Variants in TRABD2B observed in about 807,000 individuals in gnomAD.
TRABD2B encodes the protein metalloprotease TIKI2.
Under a neutral mutation model 40.1 loss-of-function variants are expected in TRABD2B, and 14 were observed. The observed-to-expected ratio is 0.35, with a 90% confidence interval of 0.23 to 0.55. The LOEUF is 0.55. TRABD2B is among the 20% of genes least tolerant of loss of function. TRABD2B has a pLI of 0.90. For synonymous variants in TRABD2B, 263 were observed against 277.0 expected, an observed-to-expected ratio of 0.95 and a Z score of 0.50; for missense variants, 541 against 648.6, an observed-to-expected ratio of 0.83 and a Z score of 1.80.
chr1:47,879,245 G>A (rs1375452110), intron 2 of TRABD2B, among the ~76,000 whole-genome samples: 1 of 152,068 alleles, frequency 6.6e-6, no homozygotes, highest in Non-Finnish European at 1.5e-5. Flanking sequence ...TATATAATCA[G>A]GTGCCACATA....
intron 2 of TRABD2B, among the ~76,000 whole-genome samples, chr1:47,964,654 C>G (rs1265729871): frequency 6.6e-6 from 1 of 152,114 alleles, no homozygotes; most frequent in Non-Finnish European, 1.5e-5. Flanking sequence ...TTATTTGCCT[C>G]TAGCAATTTG....
At chr1:47,932,662 G>C (rs901957877) in intron 2 of TRABD2B, among the ~76,000 whole-genome samples, 1 of 152,178 alleles carries the variant, frequency 6.6e-6, no homozygotes, top group Non-Finnish European at 1.5e-5. Flanking sequence ...TGAACAAGCG[G>C]GTGTAATTTA....
In TRABD2B at chr1:47,813,809, C is replaced by T. The variant is rs1483103724; in HGVS notation, c.667-12190G>A. Among the ~76,000 whole-genome samples the T allele has an allele frequency of 4.6e-5, 7 of 152,192 alleles. No homozygotes were observed. Among genetic ancestry groups the T allele is most frequent in the East Asian group, 1.9e-4 (1 of 5,190 alleles). The stretch of plus-strand genomic sequence containing the variant: ...ATTCTGCATATGTGGATGAGATTTC[C>T]GTTCTCTCTTCAGTCTTCAGTATGG... On this transcript the variant is annotated intron_variant, in intron 2 of 6. Coordinates refer to ENST00000606738, the MANE Select transcript of TRABD2B (RefSeq NM_001194986.2). The surrounding 1 kb of genome is among the most constrained non-coding windows in gnomAD (Gnocchi z 4.3).
intron 2 of TRABD2B, among the ~76,000 whole-genome samples, chr1:47,917,134 G>T (rs1297231054): frequency 6.6e-6 from 1 of 152,212 alleles, no homozygotes; most frequent in African/African-American, 2.4e-5. Context: ...GCAAGGACGG[G>T]CTCCAGGACT....
intron 4 of TRABD2B, among the ~76,000 whole-genome samples, chr1:47,779,260 A>AG (rs1168407721): frequency 1.3e-5 from 2 of 150,132 alleles, no homozygotes; most frequent in Admixed American, 6.6e-5. Context: ...GGTAACCAAA[A>AG]ACCCTGACTG....
At chr1:47,950,066 A>G (rs1204661868) in intron 2 of TRABD2B, among the ~76,000 whole-genome samples, 1 of 152,106 alleles carries the variant, frequency 6.6e-6, no homozygotes, top group Non-Finnish European at 1.5e-5. Flanking sequence ...CAGACGGATC[A>G]CGAGGTCAGG....
chr1:47,766,285 CCA>C (rs1644302410), intron 6 of TRABD2B, among the ~76,000 whole-genome samples, 179 bp from the exon 7 acceptor site: 1 of 152,162 alleles, frequency 6.6e-6, no homozygotes, highest in African/African-American at 2.4e-5. Context: ...TGGCTGAGCT[CCA>C]GAGTCCACAC....
At chr1:47,900,571 C>T (rs1424057442) in intron 2 of TRABD2B, among the ~76,000 whole-genome samples, 2 of 152,276 alleles carry the variant, frequency 1.3e-5, no homozygotes, top group East Asian at 3.9e-4. Context: ...ATACACAAGC[C>T]TGTGTATTTC....
rs751525484 is a variant in TRABD2B at position 47,994,970 on chromosome 1, G to A, written c.103-373C>T. Among the ~76,000 whole-genome samples the A allele has an allele frequency of 3.9e-4, 60 of 152,282 alleles. No individual in the cohort carries two copies. Among genetic ancestry groups the A allele is most frequent in the Admixed American group, 1.7e-3 (26 of 15,296 alleles). On this transcript the variant is annotated intron_variant, in intron 1 of 6. Coordinates refer to ENST00000606738, the MANE Select transcript of TRABD2B (RefSeq NM_001194986.2). The surrounding 1 kb of genome is among the most constrained non-coding windows in gnomAD (Gnocchi z 6.7). Reference sequence around the variant, plus strand: ...ATGAAGGGAAACTCTCATGATTAGCGTTCCCTGTGAGTGCCAAGGACTGCC... The same window carrying A: ...ATGAAGGGAAACTCTCATGATTAGCATTCCCTGTGAGTGCCAAGGACTGCC...
At chr1:47,925,445 G>T (rs946439619) in intron 2 of TRABD2B, among the ~76,000 whole-genome samples, 1 of 151,868 alleles carries the variant, frequency 6.6e-6, no homozygotes, top group African/African-American at 2.4e-5. Context: ...GACCTCCAAA[G>T]AAATGGGAAA....
intron 4 of TRABD2B, 34 bp from the exon 5 acceptor site, chr1:47,778,578 A>G (rs1557559618): frequency 6.7e-7 from 1 of 1,493,776 alleles, no homozygotes; most frequent in Non-Finnish European, 9.0e-7. Context: ...GCTCAGCCAC[A>G]TGCCAGGCCA....
intron 2 of TRABD2B, among the ~76,000 whole-genome samples, chr1:47,883,060 T>C (rs1453863346): frequency 6.6e-6 from 1 of 152,154 alleles, no homozygotes; most frequent in Non-Finnish European, 1.5e-5. Context: ...TAATTATCAT[T>C]CTAGTAGTTC....
At chr1:47,855,309 A>G (rs1164447373) in intron 2 of TRABD2B, among the ~76,000 whole-genome samples, 3 of 152,248 alleles carry the variant, frequency 2.0e-5, no homozygotes, top group African/African-American at 7.2e-5. Context: ...GTATAGAATC[A>G]TAAGTTCCCT....
At chr1:47,936,258 A>G (rs1645105176) in intron 2 of TRABD2B, among the ~76,000 whole-genome samples, 1 of 152,246 alleles carries the variant, frequency 6.6e-6, no homozygotes, top group African/African-American at 2.4e-5. Flanking sequence ...TTCATCATTT[A>G]TAGACTCACA....
intron 2 of TRABD2B, among the ~76,000 whole-genome samples, chr1:47,910,889 C>G (rs1644754019): frequency 6.6e-6 from 1 of 152,148 alleles, no homozygotes; most frequent in Non-Finnish European, 1.5e-5. Flanking sequence ...TTAAGTGTGG[C>G]CAAATGACCA....
intron 2 of TRABD2B, among the ~76,000 whole-genome samples, chr1:47,929,432 TGTTAAG>T: frequency 6.6e-6 from 1 of 152,338 alleles, no homozygotes; most frequent in South Asian, 2.1e-4. Context: ...CTCTCTGAAC[TGTTAAG>T]CTCCAGAGCA....
At chr1:47,959,653 C>T (rs895052391) in intron 2 of TRABD2B, among the ~76,000 whole-genome samples, 1 of 152,186 alleles carries the variant, frequency 6.6e-6, no homozygotes, top group Non-Finnish European at 1.5e-5. Flanking sequence ...CCTCCCAAGA[C>T]TAAACCAGGA....
intron 2 of TRABD2B, among the ~76,000 whole-genome samples, chr1:47,913,039 G>T (rs1298260263): frequency 6.6e-6 from 1 of 152,164 alleles, no homozygotes; most frequent in African/African-American, 2.4e-5. Context: ...CTGTGAAAAG[G>T]TTCTTTTACT....
At chr1:47,928,142 T>C (rs1315770371) in intron 2 of TRABD2B, among the ~76,000 whole-genome samples, 1 of 152,210 alleles carries the variant, frequency 6.6e-6, no homozygotes, top group African/African-American at 2.4e-5. Flanking sequence ...GTGAAGAAGC[T>C]GAGACCCAGT....
Sources: allele counts gnomAD v4.1 joint callset (sites outside exome capture counted in the v4.1 genomes callset), GRCh38; gene constraint gnomAD v4.1.1; non-coding constraint Gnocchi (gnomAD v3.1); transcripts MANE v1.5; gene names NCBI Gene and HGNC (gene_info 2026-07-23, HGNC 2026-07-21).